UNC93A: variants seen among roughly 807,000 people sequenced by gnomAD.
The protein encoded by UNC93A is N-acetylglucosamine transporter UNC93A.
In UNC93A, 43 loss-of-function variants were observed where a neutral mutation model predicts 47.5. The observed-to-expected ratio is 0.91, with a 90% CI of 0.71 to 1.17. The LOEUF is 1.17. Among genes scored for constraint, UNC93A ranks in the 50% most tolerant of loss-of-function variants. The pLI, the probability that UNC93A is intolerant of heterozygous loss-of-function variation, is 0.00. For synonymous variants in UNC93A, 280 were observed against 258.0 expected, an observed-to-expected ratio of 1.09 and a Z score of -0.82; for missense variants, 605 against 577.6, an observed-to-expected ratio of 1.05 and a Z score of -0.49.
intron 1 of UNC93A, among the ~76,000 whole-genome samples, chr6:167,278,639 A>G: frequency 6.6e-6 from 1 of 152,206 alleles, no homozygotes; most frequent in Admixed American, 6.5e-5. Context: ...TGCTACTTAG[A>G]CAAGTTCCCC....
upstream of UNC93A, among the ~76,000 whole-genome samples, chr6:167,291,027 A>T (rs1244647179): frequency 1.3e-5 from 2 of 152,142 alleles, no homozygotes; most frequent in East Asian, 3.8e-4. Context: ...GTTGACATTT[A>T]TGCTTTGTTC....
chr6:167,294,527 A>G lies in UNC93A; in HGVS notation c.98A>G (p.Tyr33Cys). 6.2e-7 allele frequency: 1 copy of G among 1,614,030 alleles called. No individual in the cohort carries two copies. Reference protein sequence around the residue: ...GGLQSLQSSLYSEEGLGVTAL... With the variant: ...GGLQSLQSSLCSEEGLGVTAL... Reference sequence around the variant, plus strand: ...GCTTTGTTCCCACAGAGCAGCCTGTACAGCGAGGAGGGCCTGGGTGTCACA... The same window carrying G: ...GCTTTGTTCCCACAGAGCAGCCTGTGCAGCGAGGAGGGCCTGGGTGTCACA... The change falls in exon 2 of 8, where the codon TAC becomes TGC. Residue 33 changes from tyrosine (Y) to cysteine (C), a missense_variant. Physicochemically the swap from Tyr to Cys is radical, Grantham distance 194 (BLOSUM62 -2). Transcript: ENST00000230256.
At chr6:167,290,563 A>G (rs1391655466), upstream of UNC93A, among the ~76,000 whole-genome samples, 1 of 152,232 alleles carries the variant, frequency 6.6e-6, no homozygotes, top group African/African-American at 2.4e-5. Context: ...AAAGCTCCAG[A>G]CTTACCCCGT....
intron 1 of UNC93A, among the ~76,000 whole-genome samples, chr6:167,284,775 C>A (rs1242594743): frequency 6.6e-6 from 1 of 152,084 alleles, no homozygotes; most frequent in Non-Finnish European, 1.5e-5. Flanking sequence ...GGGTGCAGAC[C>A]CACAGTCTGG....
chr6:167,272,280 G>A (rs754800001), intron 1 of UNC93A, among the ~76,000 whole-genome samples: 18 of 152,220 alleles, frequency 1.2e-4, no homozygotes, highest in Admixed American at 2.0e-4. Context: ...GAGGCCAGGA[G>A]CAGTGGCAGA....
chr6:167,302,271 TCACACGA>T (rs1778262891), intron 4 of UNC93A, among the ~76,000 whole-genome samples: 1 of 151,962 alleles, frequency 6.6e-6, no homozygotes, highest in Admixed American at 6.6e-5. Flanking sequence ...ACTGCATGGG[TCACACGA>T]GGACACTGAT....
In UNC93A at chr6:167,296,063, G is replaced by T. The variant is rs746286194; in HGVS notation, c.301G>T (p.Gly101Ter). ...YTLIPTSILL[G>*]LGAAPLWSAQ... ...TTTGATCCCCACCTCCATACTGCTG[G>T]GACTCGGGGCCGCCCCGCTGTGGTC... Residue 101 changes from glycine to a stop codon, truncating the protein, a stop_gained, in exon 3 of 8, where the codon GGA becomes TGA. Transcript: ENST00000230256. LOFTEE classifies it high-confidence loss of function. 3.7e-6 allele frequency: 6 copies of T among 1,614,072 alleles called. No homozygotes were observed. The East Asian group carries it at 1.1e-4, about 30-fold the overall frequency.
chr6:167,294,714 CCCCTGCCCACCCCA>C lies in UNC93A; in HGVS notation c.269+20_269+33del. Reference sequence around the variant, plus strand: ...TCGCCAGCTGGTACGCAGCCACCACCCCCTGCCCACCCCACCCCGGCCGTTCCCCACGCTAGGGA... The same window carrying C: ...TCGCCAGCTGGTACGCAGCCACCACCCCCCGGCCGTTCCCCACGCTAGGGA... On this transcript the variant is annotated intron_variant, in intron 2 of 7. Transcript: ENST00000230256. 1 of 1,572,254 alleles carries C rather than the reference CCCCTGCCCACCCCA, an allele frequency of 6.4e-7. No individual in the cohort carries two copies. Among genetic ancestry groups the C allele is most frequent in the Non-Finnish European group, 8.7e-7 (1 of 1,154,968 alleles).
rs368129820 is a variant in UNC93A at position 167,307,782 on chromosome 6, C to A, written c.980C>A (p.Ala327Glu). 6.3e-7 allele frequency: 1 copy of A among 1,593,062 alleles called. No individual in the cohort carries two copies. The highest frequency in any genetic ancestry group is 1.5e-5 in the African/African-American group (1 of 67,526). ...GGTTTCCCCTCTGCACCCCCAGGCG[C>A]GGTGACCCACGTGTCCTGCATGATT... ...TGRAVLYVLG[A>E]VTHVSCMIAL... The change falls in exon 7 of 8, where the codon GCG becomes GAG. Residue 327 changes from alanine (A) to glutamate (E), a missense_variant. Ala to Glu is a moderately radical substitution (Grantham distance 107). Coordinates refer to ENST00000230256, the MANE Select transcript of UNC93A (RefSeq NM_018974.4).
At chr6:167,308,447 G>A (rs527715844) in intron 7 of UNC93A, among the ~76,000 whole-genome samples, 1 of 152,222 alleles carries the variant, frequency 6.6e-6, no homozygotes, top group South Asian at 2.1e-4. Context: ...GGGTTTTCTG[G>A]GAGCAGCAGG....
At chr6:167,277,125 T>C (rs1184755629) in intron 1 of UNC93A, among the ~76,000 whole-genome samples, 1 of 152,226 alleles carries the variant, frequency 6.6e-6, no homozygotes, top group Non-Finnish European at 1.5e-5. Flanking sequence ...TTGTCTCCAG[T>C]AGGATCACCC....
Position 167,311,658 on chromosome 6 carries a change from A to T in UNC93A, c.1109-3529A>T, listed in dbSNP as rs552695512. 2.0e-5 allele frequency among the ~76,000 whole-genome samples: 3 copies of T among 152,362 alleles called. No homozygotes were observed. In the South Asian group the frequency reaches 6.2e-4, roughly 32 times the overall value. On this transcript the variant is annotated intron_variant, in intron 7 of 7. Transcript: ENST00000230256. ...CAAGATTGCTGGACTTCTCATCCACATCCTGGTCTCTTTAACCCTGGGCCA... is the reference window on the plus strand; with the variant it reads ...CAAGATTGCTGGACTTCTCATCCACTTCCTGGTCTCTTTAACCCTGGGCCA...
intron 5 of UNC93A, among the ~76,000 whole-genome samples, chr6:167,304,591 AT>A (rs1778330879): frequency 6.7e-6 from 1 of 149,762 alleles, no homozygotes. Context: ...TTTTTTTGAG[AT>A]GGAGTAACAC....
intron 1 of UNC93A, among the ~76,000 whole-genome samples, chr6:167,283,788 A>G (rs769740632): frequency 1.3e-5 from 2 of 152,198 alleles, no homozygotes; most frequent in Non-Finnish European, 2.9e-5. Context: ...TAACTACTCA[A>G]TGGTTAAAAG....
At position 167,298,673 on chromosome 6, in the gene UNC93A, G is replaced by A. The variant is rs918798511; in HGVS notation, c.625+603G>A. 3.3e-5 allele frequency among the ~76,000 whole-genome samples: 5 copies of A among 152,232 alleles called. No individual in the cohort carries two copies. The South Asian group carries it at 6.2e-4, about 19-fold the overall frequency. ...CCCAAAGGAAGTTAATTGTCATGAC[G>A]AGGCTCATTCTTAGAAGTTCATTTT... On this transcript the variant is annotated intron_variant, in intron 4 of 7. Coordinates refer to ENST00000230256, the MANE Select transcript of UNC93A (RefSeq NM_018974.4).
At chr6:167,278,040 A>G (rs1057203625) in intron 1 of UNC93A, among the ~76,000 whole-genome samples, 1 of 152,122 alleles carries the variant, frequency 6.6e-6, no homozygotes, top group African/African-American at 2.4e-5. Context: ...AGGGACTTGA[A>G]AACCGGATTT....
At chr6:167,279,684 G>A (rs556968538) in intron 1 of UNC93A, among the ~76,000 whole-genome samples, 21 of 152,242 alleles carry the variant, frequency 1.4e-4, no homozygotes, top group African/African-American at 4.8e-4. Flanking sequence ...TAGATGAAGT[G>A]TGTAATACTC....
At chr6:167,269,610 T>C (rs1184185052), upstream of UNC93A, among the ~76,000 whole-genome samples, 1 of 152,124 alleles carries the variant, frequency 6.6e-6, no homozygotes. Flanking sequence ...AATTTTTATT[T>C]ATTTATTTAT....
Position 167,296,042 on chromosome 6 carries a change from A to G in UNC93A, c.280A>G (p.Ile94Val), listed in dbSNP as rs1307945314. The change falls in exon 3 of 8, where the codon ATC (isoleucine) becomes GTC (valine). Residue 94 changes from isoleucine to valine, a missense_variant. Coordinates refer to ENST00000230256, the MANE Select transcript of UNC93A (RefSeq NM_018974.4). ...GCATTTTACCCACAGGTACACTTTG[A>G]TCCCCACCTCCATACTGCTGGGACT... The part of the protein sequence containing the change: ...GNFFASWYTL[I>V]PTSILLGLGA... The G allele has an allele frequency of 6.2e-7, 1 of 1,613,890 alleles. No individual in the cohort carries two copies. Among genetic ancestry groups the G allele is most frequent in the Admixed American group, 1.7e-5 (1 of 59,992 alleles).
Sources: allele counts gnomAD v4.1 joint callset (sites outside exome capture counted in the v4.1 genomes callset), GRCh38; gene constraint gnomAD v4.1.1; transcripts MANE v1.5; gene names NCBI Gene and HGNC (gene_info 2026-07-23, HGNC 2026-07-21).